The following ALDH3A1 variants were observed in gnomAD, a reference collection of about 807,000 sequenced individuals.
ALDH3A1 encodes aldehyde dehydrogenase 3 family member A1, also known as aldehyde dehydrogenase, dimeric NADP-preferring.
ALDH3A1 carries 46 observed loss-of-function variants against 49.9 expected under a neutral mutation model. The observed-to-expected ratio is 0.92, with a 90% confidence interval of 0.73 to 1.18. The LOEUF (loss-of-function observed/expected upper bound fraction) is 1.18, where lower values mean the gene tolerates loss of function less well. ALDH3A1 is among the 50% of genes most tolerant of loss of function. ALDH3A1 has a pLI of 0.00. For synonymous variants in ALDH3A1, 269 were observed against 253.3 expected (o/e 1.06, Z -0.59); for missense variants, 592 against 611.8 (o/e 0.97, Z 0.34).
chr17:19,746,772 A>T (rs1651881991), intron 1 of ALDH3A1, among the ~76,000 whole-genome samples: 1 of 152,094 alleles, frequency 6.6e-6, no homozygotes, highest in South Asian at 2.1e-4. Context: ...AACATGCAAG[A>T]AAGGACTAGA....
chr17:19,741,167 C>A lies in ALDH3A1; in HGVS notation c.733G>T (p.Val245Leu). 1 of 1,614,040 alleles carries A rather than the reference C, an allele frequency of 6.2e-7. No homozygotes were observed. Among genetic ancestry groups the A allele is most frequent in the Non-Finnish European group, 8.5e-7 (1 of 1,179,948 alleles). The stretch of plus-strand genomic sequence containing the variant: ...TCACAGAGGATGTAGTCAGGGGCCA[C>A]GCAGGTCTGGCCACTGTTCATGAAT... The part of the protein sequence containing the change: ...GKFMNSGQTC[V>L]APDYILCDPS... Residue 245 changes from valine to leucine, a missense_variant, in exon 6 of 11, where the codon GTG becomes TTG. Physicochemically the swap from Val to Leu is conservative, Grantham distance 32. Coordinates refer to ENST00000225740, the MANE Select transcript of ALDH3A1 (RefSeq NM_000691.5).
At position 19,746,630 on chromosome 17, in the gene ALDH3A1, T is replaced by C. The variant is rs562569604; in HGVS notation, c.-5-1496A>G. On this transcript the variant is annotated intron_variant, in intron 1 of 10. Transcript: ENST00000225740. ...GTGTGCATGTGTGTGTGTGCGTGTGTGTGTGTGCGTGTGCGTGTGTGTGCA... is the reference window on the plus strand; with the variant it reads ...GTGTGCATGTGTGTGTGTGCGTGTGCGTGTGTGCGTGTGCGTGTGTGTGCA... 1.7e-4 allele frequency among the ~76,000 whole-genome samples: 25 copies of C among 143,446 alleles called. No individual in the cohort carries two copies. The East Asian group carries it at 4.6e-3, about 27-fold the overall frequency. The allele number at this position is 143,446 out of a possible 152,430, so 94.1% of individuals were successfully genotyped here.
Position 19,743,691 on chromosome 17 carries a change from GC to G in ALDH3A1, c.163-229del. ...AGAGGGGGGCCCAGGTAGGTTTGCGGCCCCAGGGGAGAGAGCCGGTGAAGGG... is the reference window on the plus strand; with the variant it reads ...AGAGGGGGGCCCAGGTAGGTTTGCGGCCCAGGGGAGAGAGCCGGTGAAGGG... On this transcript the variant is annotated intron_variant, in intron 2 of 10. Coordinates refer to ENST00000225740, the MANE Select transcript of ALDH3A1 (RefSeq NM_000691.5). This position sits in a 1 kb window ranked among gnomAD's most constrained non-coding sequence, Gnocchi z 4.4. The G allele has an allele frequency of 1.0e-6, 1 of 985,310 alleles. No homozygotes were observed. Among genetic ancestry groups the G allele is most frequent in the Non-Finnish European group, 1.2e-6 (1 of 829,888 alleles). 61.0% of individuals were successfully genotyped at this position (985,310 alleles called of 1,614,324 possible). A position where few individuals can be genotyped will look rare whatever the true frequency, so the allele number is the denominator to read the frequency against.
rs367557611 is a variant in ALDH3A1, at chr17:19,742,575, C to T, written c.450G>A (p.Leu150=). The change falls in exon 4 of 11, where the codon CTG becomes CTA. Residue 150 remains leucine, a synonymous_variant. Transcript: ENST00000225740. Reference sequence around the variant, plus strand: ...CCAGGTACTGGGGGATGATGGTAGCCAGCAGGCTCGCCATGTTCTCACTCA... The same window carrying T: ...CCAGGTACTGGGGGATGATGGTAGCTAGCAGGCTCGCCATGTTCTCACTCA... ...SELSENMASL[L]ATIIPQYLDK... 59 of 1,613,866 alleles carry T rather than the reference C, an allele frequency of 3.7e-5. No individual in the cohort carries two copies. Among genetic ancestry groups the T allele is most frequent in the Non-Finnish European group, 4.9e-5 (58 of 1,179,976 alleles).
chr17:19,744,342 G>T, intron 2 of ALDH3A1: 2 of 872,176 alleles, frequency 2.3e-6, no homozygotes, highest in Non-Finnish European at 2.8e-6. Flanking sequence ...GGCGGAGGTT[G>T]CAGTGAGCCG....
chr17:19,746,736 CGT>C (rs908264641), intron 1 of ALDH3A1, among the ~76,000 whole-genome samples: 27 of 150,594 alleles, frequency 1.8e-4, no homozygotes, highest in Admixed American at 4.6e-4. Context: ...CGCGCGTGTG[CGT>C]GTGTGTGTGG....
chr17:19,739,826 G>A, intron 7 of ALDH3A1, 152 bp from the exon 8 acceptor site: 1 of 950,780 alleles, frequency 1.1e-6, no homozygotes, highest in East Asian at 2.6e-5. Flanking sequence ...AGGTACCCTA[G>A]GCACCTGCGT....
chr17:19,744,059 G>A, intron 2 of ALDH3A1: 1 of 985,356 alleles, frequency 1.0e-6, no homozygotes, highest in Non-Finnish European at 1.2e-6. Context: ...GGGTTTCCTT[G>A]TTGTTTCTGG....
chr17:19,738,806 C>T (rs1295630582), intron 9 of ALDH3A1, among the ~76,000 whole-genome samples, 190 bp downstream of exon 9: 1 of 152,156 alleles, frequency 6.6e-6, no homozygotes, highest in East Asian at 1.9e-4. Flanking sequence ...ACCAGGTGAC[C>T]TCTAGGAACC....
At chr17:19,740,720 A>G (rs2086476679) in intron 6 of ALDH3A1, among the ~76,000 whole-genome samples, 1 of 151,834 alleles carries the variant, frequency 6.6e-6, no homozygotes, top group Non-Finnish European at 1.5e-5. Flanking sequence ...GTGCAATCAT[A>G]GCTCACTGCA....
At chr17:19,744,899 C>T in intron 2 of ALDH3A1, 69 bp downstream of exon 2, 1 of 806,892 alleles carries the variant, frequency 1.2e-6, no homozygotes, top group Non-Finnish European at 1.6e-6. Context: ...GCACTCTCCC[C>T]AGCCCCTCCC....
At chr17:19,746,495 C>T (rs1051930401) in intron 1 of ALDH3A1, among the ~76,000 whole-genome samples, 4 of 151,350 alleles carry the variant, frequency 2.6e-5, no homozygotes, top group Non-Finnish European at 4.4e-5. Context: ...TTGAAGGCCT[C>T]GGGTAAGTAA....
chr17:19,738,309 C>A lies in ALDH3A1; in HGVS notation c.1347+14G>T. Reference sequence around the variant, plus strand: ...CACAGCCCGGTCTCCCCCACAGCGCCTTCCCCCTCTCACCTTGGCCGGGCT... The same window carrying A: ...CACAGCCCGGTCTCCCCCACAGCGCATTCCCCCTCTCACCTTGGCCGGGCT... On this transcript the variant is annotated intron_variant, in intron 10 of 10. Transcript: ENST00000225740. 1.9e-6 allele frequency: 3 copies of A among 1,613,594 alleles called. No individual in the cohort carries two copies. The highest frequency in any genetic ancestry group is 2.5e-6 in the Non-Finnish European group (3 of 1,179,524).
rs1446577649 is a variant in ALDH3A1 at position 19,740,314 on chromosome 17, G to A, written c.949+22C>T. On this transcript the variant is annotated intron_variant, in intron 7 of 10. Coordinates refer to ENST00000225740, the MANE Select transcript of ALDH3A1 (RefSeq NM_000691.5). ...CCCCTGCAGCCTGGGCAGGTGGGCT[G>A]TGCTCTTCAGGGGTCACGCACCTAT... is the stretch of plus-strand genomic sequence containing the variant. 5 of 1,611,460 alleles carry A rather than the reference G, an allele frequency of 3.1e-6. No individual in the cohort carries two copies. In the African/African-American group the frequency reaches 4.0e-5, roughly 13 times the overall value.
intron 7 of ALDH3A1, 54 bp from the exon 8 acceptor site, chr17:19,739,728 G>A: frequency 1.9e-6 from 3 of 1,589,040 alleles, no homozygotes; most frequent in Non-Finnish European, 2.6e-6. Context: ...CACGCGGATG[G>A]AAAGTGCAAG....
intron 2 of ALDH3A1, chr17:19,744,544 C>G: frequency 2.0e-6 from 2 of 985,456 alleles, no homozygotes; most frequent in South Asian, 9.4e-5. Context: ...TCTGGTCTTG[C>G]TCAGGGTGAG....
At position 19,743,493 on chromosome 17, in the gene ALDH3A1, AG is replaced by A; in HGVS notation, c.163-31del. On this transcript the variant is annotated intron_variant, in intron 2 of 10. Transcript: ENST00000225740. This position sits in a 1 kb window ranked among gnomAD's most constrained non-coding sequence, Gnocchi z 4.4. ...AGCGACAGAGCCGGAGTGAGCTTCC[AG>A]GGCCAGGGCCCGCCTGCAGCTGGGG... is the stretch of plus-strand genomic sequence containing the variant. The A allele has an allele frequency of 6.4e-7, 1 of 1,558,046 alleles. No homozygotes were observed. Among genetic ancestry groups the A allele is most frequent in the Non-Finnish European group, 8.7e-7 (1 of 1,149,848 alleles).
intron 1 of ALDH3A1, 146 bp from the exon 2 acceptor site, chr17:19,745,280 C>T (rs2086580971): frequency 1.2e-6 from 1 of 838,022 alleles, no homozygotes; most frequent in Admixed American, 3.6e-5. Flanking sequence ...TTCTGCCTCG[C>T]CTCCTCTCCC....
Position 19,745,004 on chromosome 17 carries a change from C to A in ALDH3A1, c.126G>T (p.Gln42His). 6.3e-7 allele frequency: 1 copy of A among 1,590,866 alleles called. No homozygotes were observed. Among genetic ancestry groups the A allele is most frequent in the East Asian group, 2.3e-5 (1 of 44,236 alleles). Residue 42 changes from glutamine (Q) to histidine (H), a missense_variant, in exon 2 of 11, where the codon CAG becomes CAT. Gln to His is a conservative substitution (Grantham distance 24). Coordinates refer to ENST00000225740, the MANE Select transcript of ALDH3A1 (RefSeq NM_000691.5). ...CTGCGGCCAGCGCGCCCACCAGCTC[C>A]TGCTCCTGCTCCTGGATCAGGCGCT... The part of the protein sequence containing the change: ...ALQRLIQEQE[Q>H]ELVGALAADL...
Sources: gnomAD v4.1 joint callset for allele counts (sites outside exome capture counted in the v4.1 genomes callset) on GRCh38, gnomAD v4.1.1 for gene constraint, Gnocchi (gnomAD v3.1) non-coding constraint, MANE v1.5 for transcripts, NCBI Gene and HGNC (gene_info 2026-07-23, HGNC 2026-07-21) for gene names.